WFS1: variants seen among roughly 807,000 people sequenced by gnomAD.
WFS1 encodes the protein wolframin.
Under a neutral mutation model 68.5 loss-of-function variants are expected in WFS1, and 90 were observed. That is an observed-to-expected ratio of 1.31 (90% CI 1.11 to 1.56). The LOEUF is 1.56. Ranked by LOEUF, WFS1 falls within the 40% of genes most tolerant of loss-of-function variation. The pLI is 0.00. For missense variants in WFS1, 1,767 were observed against 1,232.6 expected (o/e 1.43, Z -6.49); for synonymous variants, 860 against 540.7 (o/e 1.59, Z -8.19).
chr4:6,270,349 C>T (rs913932567), intron 1 of WFS1, among the ~76,000 whole-genome samples: 2 of 151,282 alleles, frequency 1.3e-5, no homozygotes, highest in Non-Finnish European at 3.0e-5. Context: ...TCCCCGCGCC[C>T]CGCGCCATCC....
intron 4 of WFS1, among the ~76,000 whole-genome samples, chr4:6,290,059 C>G (rs910722447): frequency 6.6e-6 from 1 of 152,176 alleles, no homozygotes; most frequent in African/African-American, 2.4e-5. Context: ...CTGCCTCAGC[C>G]TTTTGAGTAG....
chr4:6,278,688 G>A (rs531835245), intron 2 of WFS1, among the ~76,000 whole-genome samples: 145 of 152,330 alleles, frequency 9.5e-4, no homozygotes, highest in African/African-American at 3.2e-3. Flanking sequence ...TGGTCGCAGC[G>A]CGCTGAGGCT....
At position 6,301,947 on chromosome 4, in the gene WFS1, T is replaced by G. The variant is rs1204940475; in HGVS notation, c.2152T>G (p.Ser718Ala). The change falls in exon 8 of 8, where the codon TCT becomes GCT. Residue 718 changes from serine (S) to alanine (A), a missense_variant. By Grantham distance (99) the Ser-to-Ala change is moderately conservative. Coordinates refer to ENST00000226760, the MANE Select transcript of WFS1 (RefSeq NM_006005.3). ...RVTDIDNSAE[S>A]AINMLPFFIG... Reference sequence around the variant, plus strand: ...GACTGACATCGACAACAGCGCCGAGTCTGCCATCAACATGCTCCCGTTCTT... The same window carrying G: ...GACTGACATCGACAACAGCGCCGAGGCTGCCATCAACATGCTCCCGTTCTT... The G allele has an allele frequency of 1.2e-6, 2 of 1,612,722 alleles. No homozygotes were observed. The highest frequency in any genetic ancestry group is 2.2e-5 in the South Asian group (2 of 91,046).
chr4:6,289,596 G>A (rs572431726), intron 4 of WFS1, among the ~76,000 whole-genome samples: 2 of 152,318 alleles, frequency 1.3e-5, no homozygotes, highest in Non-Finnish European at 2.9e-5. Flanking sequence ...GGAGGAGGCA[G>A]GCTGACCCTT....
chr4:6,298,119 C>T (rs573775750), intron 7 of WFS1, among the ~76,000 whole-genome samples: 30 of 152,346 alleles, frequency 2.0e-4, no homozygotes, highest in African/African-American at 5.8e-4. Context: ...GGCGGTCGTG[C>T]GTGAAACTGG....
chr4:6,300,024 G>C (rs147252460), intron 7 of WFS1, among the ~76,000 whole-genome samples: 51 of 152,030 alleles, frequency 3.4e-4, no homozygotes, highest in African/African-American at 1.2e-3. Context: ...CAGGGTCTCC[G>C]GCCATAGGGA....
intron 6 of WFS1, among the ~76,000 whole-genome samples, chr4:6,294,212 AG>A (rs1223459674): frequency 3.3e-5 from 5 of 152,040 alleles, no homozygotes; most frequent in Non-Finnish European, 7.4e-5. Context: ...CTTCCCCTGG[AG>A]GCCCTCCTGG....
At chr4:6,296,584 G>A (rs1438866442) in intron 7 of WFS1, among the ~76,000 whole-genome samples, 1 of 152,238 alleles carries the variant, frequency 6.6e-6, no homozygotes, top group Non-Finnish European at 1.5e-5. Context: ...AGATGAGGAA[G>A]CTGGGGTGCT....
Position 6,287,702 on chromosome 4 carries a change from C to T in WFS1, c.315+527C>T, listed in dbSNP as rs1315288586. 6.6e-6 allele frequency among the ~76,000 whole-genome samples: 1 copy of T among 152,124 alleles called. No homozygotes were observed. Among genetic ancestry groups the T allele is most frequent in the Non-Finnish European group, 1.5e-5 (1 of 68,028 alleles). On this transcript the variant is annotated intron_variant, in intron 3 of 7. Coordinates refer to ENST00000226760, the MANE Select transcript of WFS1 (RefSeq NM_006005.3). The surrounding 1 kb of genome is among the most constrained non-coding windows in gnomAD (Gnocchi z 6.4). ...ACCCAAAAAACCCAAGTAGACAAGA[C>T]ACAGAAATACAGTGATTTTGAATTC... is the stretch of plus-strand genomic sequence containing the variant.
intron 1 of WFS1, among the ~76,000 whole-genome samples, chr4:6,276,989 G>A (rs925424877): frequency 6.6e-6 from 1 of 152,240 alleles, no homozygotes; most frequent in Non-Finnish European, 1.5e-5. Context: ...CTCATTTCAA[G>A]ATCCTTAAAT....
chr4:6,290,656 G>A (rs557720463), intron 4 of WFS1, among the ~76,000 whole-genome samples: 1 of 152,212 alleles, frequency 6.6e-6, no homozygotes, highest in African/African-American at 2.4e-5. Context: ...CAGGCCGTTG[G>A]GGGTAAAGGG....
At chr4:6,298,010 C>T (rs1022759183) in intron 7 of WFS1, among the ~76,000 whole-genome samples, 8 of 152,226 alleles carry the variant, frequency 5.3e-5, no homozygotes, top group African/African-American at 9.6e-5. Context: ...GCCCTCTCAA[C>T]CAGGTGGTTG....
intron 5 of WFS1, 96 bp downstream of exon 5, chr4:6,291,463 G>T (rs1355384271): frequency 4.7e-6 from 7 of 1,503,864 alleles, no homozygotes; most frequent in Non-Finnish European, 6.3e-6. Flanking sequence ...TTCCCTCAGG[G>T]GCTGGGTCTT....
chr4:6,301,764 A>T lies in WFS1; in HGVS notation c.1969A>T (p.Met657Leu), dbSNP rs71532861. 26 of 1,613,620 alleles carry T rather than the reference A, an allele frequency of 1.6e-5. No individual in the cohort carries two copies. In the East Asian group the frequency reaches 5.6e-4, roughly 35 times the overall value. ...GTTCTATGTGTACCGCTCAGAGGGC[A>T]TGAAGGTCTACAACTCCACACTGAC... ...CWFYVYRSEGMKVYNSTLTWQ... is the reference protein window; with the variant it reads ...CWFYVYRSEGLKVYNSTLTWQ... Residue 657 changes from methionine (M) to leucine (L), a missense_variant, in exon 8 of 8, where the codon ATG (methionine) becomes TTG (leucine). Transcript: ENST00000226760.
rs564090220 is a variant in WFS1, at chr4:6,302,591, A to C, written c.*123A>C. The C allele has an allele frequency of 4.9e-6, 7 of 1,423,290 alleles. No homozygotes were observed. In the Admixed American group the frequency reaches 5.8e-5, roughly 12 times the overall value. 88.2% of individuals were successfully genotyped at this position (1,423,290 alleles called of 1,614,324 possible). A position where few individuals can be genotyped will look rare whatever the true frequency, so the allele number is the denominator to read the frequency against. The stretch of plus-strand genomic sequence containing the variant: ...CCACGTGTGCAGACTGTGGCTGCAG[A>C]GACCTTGCGACCATGTGTAGATTGC... On this transcript the variant is annotated 3_prime_UTR_variant, in exon 8 of 8. Transcript: ENST00000226760.
At chr4:6,299,785 T>G (rs1186961818) in intron 7 of WFS1, among the ~76,000 whole-genome samples, 1 of 135,122 alleles carries the variant, frequency 7.4e-6, no homozygotes, top group African/African-American at 2.9e-5. Flanking sequence ...TGAATGTGTG[T>G]GTAGGGGTGG....
chr4:6,278,378 C>A (rs1055182510), intron 2 of WFS1, among the ~76,000 whole-genome samples: 1 of 152,202 alleles, frequency 6.6e-6, no homozygotes, highest in African/African-American at 2.4e-5. Context: ...TGACTCAGGC[C>A]TCGGTCAGCC....
In WFS1 at chr4:6,301,496, C is replaced by G; in HGVS notation, c.1701C>G (p.Leu567=). ...LRASIGYFLF[L]FALPILVAGL... ...CCTCCATCGGCTACTTCCTCTTCCT[C>G]TTTGCCCTCCCCATCCTGGTGGCCG... The change falls in exon 8 of 8, where the codon CTC becomes CTG. Residue 567 remains leucine, a synonymous_variant. Coordinates refer to ENST00000226760, the MANE Select transcript of WFS1 (RefSeq NM_006005.3). The G allele has an allele frequency of 6.2e-7, 1 of 1,613,392 alleles. No individual in the cohort carries two copies. Among genetic ancestry groups the G allele is most frequent in the South Asian group, 1.1e-5 (1 of 91,068 alleles).
intron 7 of WFS1, among the ~76,000 whole-genome samples, chr4:6,298,779 G>A (rs1730728594): frequency 1.3e-5 from 2 of 152,238 alleles, no homozygotes; most frequent in Admixed American, 1.3e-4. Flanking sequence ...GCTGTTGGCA[G>A]GTGAGGGCCA....
Sources: gnomAD v4.1 joint callset for allele counts (sites outside exome capture counted in the v4.1 genomes callset) on GRCh38, gnomAD v4.1.1 for gene constraint, Gnocchi (gnomAD v3.1) non-coding constraint, MANE v1.5 for transcripts, NCBI Gene and HGNC (gene_info 2026-07-23, HGNC 2026-07-21) for gene names.